Variants in PTPRD observed in about 807,000 individuals in gnomAD.
The protein encoded by PTPRD is receptor-type tyrosine-protein phosphatase delta.
In PTPRD, 34 loss-of-function variants were observed where a neutral mutation model predicts 214.5. The observed-to-expected ratio is 0.16, with a 90% CI of 0.12 to 0.21. The LOEUF (loss-of-function observed/expected upper bound fraction) is 0.21. Among genes scored for constraint, PTPRD ranks in the 10% least tolerant of loss-of-function variants. PTPRD has a pLI of 1.00. For synonymous variants in PTPRD, 1,128 were observed against 845.7 expected (o/e 1.33, Z -5.79); for missense variants, 2,545 against 2,398.7 (o/e 1.06, Z -1.27).
chr9:9,038,993 G>A (rs758586006), intron 10 of PTPRD, among the ~76,000 whole-genome samples: 1 of 152,046 alleles, frequency 6.6e-6, no homozygotes, highest in Non-Finnish European at 1.5e-5. Context: ...AGCATAGGGT[G>A]GTGGTGAGCA....
At chr9:9,489,848 T>A (rs1280082021) in intron 8 of PTPRD, among the ~76,000 whole-genome samples, 1 of 151,892 alleles carries the variant, frequency 6.6e-6, no homozygotes, top group South Asian at 2.1e-4. Context: ...TTTAATGAAA[T>A]AGAGTCTAAA....
At chr9:9,253,071 T>G (rs1390033028) in intron 9 of PTPRD, among the ~76,000 whole-genome samples, 1 of 152,134 alleles carries the variant, frequency 6.6e-6, no homozygotes, top group Non-Finnish European at 1.5e-5. Context: ...AAAAAGGAAC[T>G]ATTTTGAGAT....
intron 3 of PTPRD, among the ~76,000 whole-genome samples, chr9:10,049,129 A>G (rs1469402654): frequency 6.6e-6 from 1 of 152,142 alleles, no homozygotes; most frequent in Admixed American, 6.6e-5. Context: ...CAGTGATGTC[A>G]ATTGGCAGCT....
intron 2 of PTPRD, among the ~76,000 whole-genome samples, chr9:10,532,664 CT>C: frequency 6.7e-6 from 1 of 148,250 alleles, no homozygotes; most frequent in East Asian, 2.0e-4. Context: ...TTAGATATTT[CT>C]TTAAAAACAT....
At chr9:9,594,774 T>C (rs1205821089) in intron 7 of PTPRD, among the ~76,000 whole-genome samples, 1 of 152,026 alleles carries the variant, frequency 6.6e-6, no homozygotes, top group Non-Finnish European at 1.5e-5. Context: ...GCAAAAGGAA[T>C]AGTCAGCAGA....
intron 7 of PTPRD, among the ~76,000 whole-genome samples, chr9:9,651,423 A>C (rs2096345574): frequency 6.6e-6 from 1 of 151,900 alleles, no homozygotes; most frequent in Admixed American, 6.6e-5. Flanking sequence ...AACCTTAGGG[A>C]GTGTTGTTCC....
chr9:10,592,665 A>C (rs533709949), intron 2 of PTPRD, among the ~76,000 whole-genome samples: 2 of 152,070 alleles, frequency 1.3e-5, no homozygotes, highest in South Asian at 4.1e-4. Flanking sequence ...TGTAGCTAGC[A>C]AGGGTATTGT....
At chr9:9,397,141 C>A (rs537109340) in intron 9 of PTPRD, among the ~76,000 whole-genome samples, 1 of 151,940 alleles carries the variant, frequency 6.6e-6, no homozygotes, top group Non-Finnish European at 1.5e-5. Context: ...TAAAGTATTT[C>A]TTGTAACTAC....
At chr9:9,736,026 G>A (rs1440924168) in intron 6 of PTPRD, among the ~76,000 whole-genome samples, 1 of 152,068 alleles carries the variant, frequency 6.6e-6, no homozygotes, top group African/African-American at 2.4e-5. Flanking sequence ...AAGTGTATAT[G>A]TATATACAAA....
At chr9:10,139,973 C>A (rs181791212) in intron 3 of PTPRD, among the ~76,000 whole-genome samples, 1 of 152,106 alleles carries the variant, frequency 6.6e-6, no homozygotes, top group Admixed American at 6.6e-5. Flanking sequence ...TGATATCAGC[C>A]TTGGCAAATA....
intron 11 of PTPRD, among the ~76,000 whole-genome samples, chr9:8,791,461 C>T (rs938178189): frequency 6.7e-6 from 1 of 150,262 alleles, no homozygotes; most frequent in Non-Finnish European, 1.5e-5. Flanking sequence ...CCTGACCTCA[C>T]GATCTGCCCA....
intron 33 of PTPRD, among the ~76,000 whole-genome samples, chr9:8,451,298 T>C (rs148650065): frequency 1.3e-5 from 2 of 152,180 alleles, no homozygotes; most frequent in African/African-American, 4.8e-5. Flanking sequence ...ATTTCTTCTT[T>C]CTACCTAAAG....
At chr9:8,495,588 A>G (rs1040156878) in intron 26 of PTPRD, among the ~76,000 whole-genome samples, 2 of 152,242 alleles carry the variant, frequency 1.3e-5, no homozygotes, top group African/African-American at 4.8e-5. Flanking sequence ...AGAAACAAAC[A>G]AACAGAAAAT....
At chr9:9,839,399 A>C (rs370838874) in intron 5 of PTPRD, among the ~76,000 whole-genome samples, 1 of 152,316 alleles carries the variant, frequency 6.6e-6, no homozygotes, top group South Asian at 2.1e-4. Context: ...GCATTCTTAC[A>C]CACCAATAAC....
At chr9:9,512,350 T>C (rs1412264095) in intron 8 of PTPRD, among the ~76,000 whole-genome samples, 1 of 151,852 alleles carries the variant, frequency 6.6e-6, no homozygotes, top group Non-Finnish European at 1.5e-5. Context: ...AGGTTATTTT[T>C]AAAAGGCTTC....
intron 2 of PTPRD, among the ~76,000 whole-genome samples, chr9:10,363,234 A>G (rs531684893): frequency 1.2e-3 from 176 of 152,286 alleles, no homozygotes; most frequent in Non-Finnish European, 2.0e-3. Flanking sequence ...CCACATTTTT[A>G]AGAAGTTCCC....
chr9:9,361,751 T>A (rs2056247027), intron 9 of PTPRD, among the ~76,000 whole-genome samples: 1 of 151,182 alleles, frequency 6.6e-6, no homozygotes, highest in African/African-American at 2.4e-5. Context: ...AGATTAAGCA[T>A]ACTATCTTTC....
At chr9:9,603,745 T>C (rs1228173299) in intron 7 of PTPRD, among the ~76,000 whole-genome samples, 2 of 152,172 alleles carry the variant, frequency 1.3e-5, no homozygotes, top group African/African-American at 2.4e-5. Context: ...TTGCCTTCCA[T>C]GAATCAAGTC....
chr9:9,971,863 G>A (rs1268234862), intron 4 of PTPRD, among the ~76,000 whole-genome samples: 1 of 152,048 alleles, frequency 6.6e-6, no homozygotes, highest in Non-Finnish European at 1.5e-5. Flanking sequence ...TTTGGGATGG[G>A]TCACAAATTC....
Sources: allele counts gnomAD v4.1 joint callset (sites outside exome capture counted in the v4.1 genomes callset), GRCh38; gene constraint gnomAD v4.1.1; transcripts MANE v1.5; gene names NCBI Gene and HGNC (gene_info 2026-07-23, HGNC 2026-07-21).